The following CCDC180 variants were observed in gnomAD, a reference collection of about 807,000 sequenced individuals.
The protein encoded by CCDC180 is coiled-coil domain-containing protein 180.
Under a neutral mutation model 209.2 loss-of-function variants are expected in CCDC180, and 154 were observed. The ratio of observed to expected loss-of-function variants is 0.74; its 90% CI spans 0.65 to 0.84. The LOEUF (loss-of-function observed/expected upper bound fraction) is 0.84. Ranked by LOEUF, CCDC180 falls within the 40% of genes least tolerant of loss-of-function variation. CCDC180 has a pLI of 0.00. For missense variants in CCDC180, 1,874 were observed against 1,997.3 expected, an observed-to-expected ratio of 0.94 and a Z score of 1.18; for synonymous variants, 778 against 749.1, an observed-to-expected ratio of 1.04 and a Z score of -0.63.
chr9:97,357,372 C>T (rs185287377), intron 24 of CCDC180, among the ~76,000 whole-genome samples: 202 of 152,318 alleles, frequency 1.3e-3, no homozygotes, highest in Non-Finnish European at 1.4e-3. Flanking sequence ...ACAGCCTTGG[C>T]CCTGCTAAAG....
chr9:97,314,442 TGACTGAG>T lies in CCDC180; in HGVS notation c.510_516del (p.Thr171LeufsTer5). On this transcript the variant is annotated frameshift_variant, in exon 6 of 37. Coordinates refer to ENST00000529487, the MANE Select transcript of CCDC180 (RefSeq NM_020893.6). LOFTEE classifies it high-confidence loss of function. ...ACAGGGGGACTTTTTTTGAAGAAGC[TGACTGAG>T]TCTGATGAAGAAATGAACCGTCTCT... 6.2e-7 allele frequency: 1 copy of T among 1,614,144 alleles called. No homozygotes were observed. Among genetic ancestry groups the T allele is most frequent in the East Asian group, 2.2e-5 (1 of 44,884 alleles).
rs1426529319 is a variant in CCDC180 at position 97,325,142 on chromosome 9, C to A, written c.1495C>A (p.Leu499Met). 6.2e-7 allele frequency: 1 copy of A among 1,611,684 alleles called. No homozygotes were observed. The highest frequency in any genetic ancestry group is 2.2e-5 in the East Asian group (1 of 44,840). The change falls in exon 14 of 37, where the codon CTG becomes ATG. Residue 499 changes from leucine to methionine, a missense_variant. Transcript: ENST00000529487. ...QSELLVQELE[L>M]EKRMEQHRQK... Reference sequence around the variant, plus strand: ...CGAGCTGTTGGTGCAGGAGCTGGAGCTGGAGAAGAGGATGGAGCAGCACCG... The same window carrying A: ...CGAGCTGTTGGTGCAGGAGCTGGAGATGGAGAAGAGGATGGAGCAGCACCG...
intron 18 of CCDC180, among the ~76,000 whole-genome samples, chr9:97,334,665 A>AT (rs576943303): frequency 2.2e-3 from 331 of 152,184 alleles, no homozygotes; most frequent in Non-Finnish European, 3.6e-3. Flanking sequence ...TATATAGGCT[A>AT]TTTTTTCCCA....
At chr9:97,358,861 C>G (rs988286453) in intron 25 of CCDC180, among the ~76,000 whole-genome samples, 8 of 152,180 alleles carry the variant, frequency 5.3e-5, no homozygotes, top group Admixed American at 6.5e-5. Context: ...TTCAGTGACT[C>G]TGAGTTGCAG....
Position 97,309,624 on chromosome 9 carries a change from C to T in CCDC180, c.260+20C>T. ...CCACAGGTAGGTCCTGTTGTCCATG[C>T]CTCACCCCCATGCACTAGGGTACCT... On this transcript the variant is annotated intron_variant, in intron 3 of 36. Coordinates refer to ENST00000529487, the MANE Select transcript of CCDC180 (RefSeq NM_020893.6). 6.6e-7 allele frequency: 1 copy of T among 1,520,910 alleles called. No individual in the cohort carries two copies. The highest frequency in any genetic ancestry group is 8.8e-7 in the Non-Finnish European group (1 of 1,139,112). The allele number at this position is 1,520,910 out of a possible 1,614,324, so 94.2% of individuals were successfully genotyped here. A position where few individuals can be genotyped will look rare whatever the true frequency, so the allele number is the denominator to read the frequency against.
In CCDC180 at chr9:97,378,680, A is replaced by G. The variant is rs955604236; in HGVS notation, c.*1786A>G. On this transcript the variant is annotated 3_prime_UTR_variant, in exon 37 of 37. Coordinates refer to ENST00000529487, the MANE Select transcript of CCDC180 (RefSeq NM_020893.6). ...TGTCGGACAAGGGCGAGGATGTCCC[A>G]TGCAGGGCTCCTAGAAAGAAGGCAG... Among the ~76,000 whole-genome samples, 1 of 152,224 alleles carries G rather than the reference A, an allele frequency of 6.6e-6. No homozygotes were observed. Among genetic ancestry groups the G allele is most frequent in the African/African-American group, 2.4e-5 (1 of 41,448 alleles).
rs181289303 is a variant in CCDC180 at position 97,330,838 on chromosome 9, T to A, written c.2274+71T>A. ...ATGCTCATTTTGTGTTTATCCCTAG[T>A]GTAAGCTGGGGTCTTCAGTGGCCCA... On this transcript the variant is annotated intron_variant, in intron 18 of 36. Coordinates refer to ENST00000529487, the MANE Select transcript of CCDC180 (RefSeq NM_020893.6). 13 of 1,428,500 alleles carry A rather than the reference T, an allele frequency of 9.1e-6. No homozygotes were observed. In the East Asian group the frequency reaches 3.0e-4, roughly 33 times the overall value. The allele number at this position is 1,428,500 out of a possible 1,614,324, so 88.5% of individuals were successfully genotyped here.
chr9:97,368,438 A>G (rs1359166253), intron 31 of CCDC180, among the ~76,000 whole-genome samples: 2 of 152,200 alleles, frequency 1.3e-5, no homozygotes, highest in African/African-American at 2.4e-5. Context: ...CTGGAACCCA[A>G]CAGGGCTTCC....
chr9:97,307,855 C>G lies in CCDC180; in HGVS notation c.-82+49C>G, dbSNP rs377488090. 3.7e-6 allele frequency: 6 copies of G among 1,610,274 alleles called. No homozygotes were observed. In the East Asian group the frequency reaches 1.3e-4, roughly 36 times the overall value. ...AGTTAAAACCCTAAGTCGACGTTCC[C>G]CAGCCGCCTACCCCCCAGCAGAGAG... On this transcript the variant is annotated intron_variant, in intron 1 of 36. Transcript: ENST00000529487.
chr9:97,356,135 T>C (rs780580193), intron 24 of CCDC180, among the ~76,000 whole-genome samples: 1 of 152,102 alleles, frequency 6.6e-6, no homozygotes, highest in African/African-American at 2.4e-5. Context: ...CACATTCTGA[T>C]TCCAGAGCTG....
chr9:97,325,043 C>A lies in CCDC180; in HGVS notation c.1396C>A (p.Gln466Lys), dbSNP rs766961693. 1 of 1,613,972 alleles carries A rather than the reference C, an allele frequency of 6.2e-7. No homozygotes were observed. Among genetic ancestry groups the A allele is most frequent in the Non-Finnish European group, 8.5e-7 (1 of 1,179,946 alleles). The change falls in exon 14 of 37, where the codon CAG (glutamine) becomes AAG (lysine). Residue 466 changes from glutamine to lysine, a missense_variant. Transcript: ENST00000529487. ...LDKSFETLAD[Q>K]TEWQSSHLFK... ...GAAATCCTTCGAGACTCTGGCAGAT[C>A]AGACAGAGTGGCAGAGTTCACACCT... is the stretch of plus-strand genomic sequence containing the variant.
At chr9:97,347,670 G>T in intron 20 of CCDC180, 181 bp downstream of exon 20, 2 of 568,976 alleles carry the variant, frequency 3.5e-6, no homozygotes, top group Non-Finnish European at 5.9e-6. Context: ...GAAAAAGGTA[G>T]TACTCCAAAT....
Position 97,360,000 on chromosome 9 carries a change from C to T in CCDC180, c.3382C>T (p.Leu1128Phe). Reference protein sequence around the residue: ...GEKTTVTTEELLSFVQTWKEK... With the variant: ...GEKTTVTTEEFLSFVQTWKEK... ...TCACCAGACAGTGACCACAGAAGAA[C>T]TCCTCAGCTTCGTCCAAACTTGGAA... The change falls in exon 26 of 37, where the codon CTC (leucine) becomes TTC (phenylalanine). Residue 1128 changes from leucine to phenylalanine, a missense_variant. Leu to Phe is a conservative substitution (Grantham distance 22). Coordinates refer to ENST00000529487, the MANE Select transcript of CCDC180 (RefSeq NM_020893.6). 1 of 1,613,894 alleles carries T rather than the reference C, an allele frequency of 6.2e-7. No homozygotes were observed. The highest frequency in any genetic ancestry group is 8.5e-7 in the Non-Finnish European group (1 of 1,179,880).
At chr9:97,318,633 G>A (rs1258818736) in intron 10 of CCDC180, 51 bp downstream of exon 10, 5 of 1,598,112 alleles carry the variant, frequency 3.1e-6, no homozygotes, top group Non-Finnish European at 3.4e-6. Context: ...GGTGCAGTGA[G>A]GGAGGCAGAA....
Position 97,361,706 on chromosome 9 carries a change from C to T in CCDC180, c.3484-20C>T, listed in dbSNP as rs760925995. On this transcript the variant is annotated intron_variant, in intron 26 of 36. Coordinates refer to ENST00000529487, the MANE Select transcript of CCDC180 (RefSeq NM_020893.6). Reference sequence around the variant, plus strand: ...CTGGGCTGGTCCTTACACCCTCAGGCCCTTCTCTCTGGCCTGCAGAACACC... The same window carrying T: ...CTGGGCTGGTCCTTACACCCTCAGGTCCTTCTCTCTGGCCTGCAGAACACC... 25 of 1,612,386 alleles carry T rather than the reference C, an allele frequency of 1.6e-5. No homozygotes were observed. The South Asian group carries it at 2.3e-4, about 15-fold the overall frequency.
chr9:97,330,189 A>G lies in CCDC180; in HGVS notation c.1824A>G (p.Gln608=). 6.2e-7 allele frequency: 1 copy of G among 1,613,934 alleles called. No individual in the cohort carries two copies. Among genetic ancestry groups the G allele is most frequent in the Non-Finnish European group, 8.5e-7 (1 of 1,179,964 alleles). The change falls in exon 17 of 37, where the codon CAA becomes CAG. Residue 608 remains glutamine (Q), a synonymous_variant. Coordinates refer to ENST00000529487, the MANE Select transcript of CCDC180 (RefSeq NM_020893.6). ...LAGEVIFKFR[Q]PEAHEKPSQK... ...GAGAAGTCATTTTCAAATTCAGGCA[A>G]CCAGGTAACACTTTTTCAATTCAAG...
intron 18 of CCDC180, among the ~76,000 whole-genome samples, chr9:97,335,957 T>TGTTTCA (rs2118726801): frequency 6.6e-6 from 1 of 152,388 alleles, no homozygotes; most frequent in Admixed American, 6.5e-5. Flanking sequence ...CATGTGTCTG[T>TGTTTCA]TGGCGGCATA....
chr9:97,320,346 GC>G, intron 11 of CCDC180, 141 bp downstream of exon 11: 1 of 742,060 alleles, frequency 1.3e-6, no homozygotes, highest in African/African-American at 1.7e-5. Context: ...AGCTCTGAGG[GC>G]TCAAAAGGCC....
intron 18 of CCDC180, among the ~76,000 whole-genome samples, chr9:97,333,266 G>C (rs1034462199): frequency 2.6e-5 from 4 of 152,238 alleles, no homozygotes; most frequent in Admixed American, 2.6e-4. Flanking sequence ...GATTCAGCTT[G>C]CTAGTATTTT....
Sources: gnomAD v4.1 joint callset for allele counts (sites outside exome capture counted in the v4.1 genomes callset) on GRCh38, gnomAD v4.1.1 for gene constraint, MANE v1.5 for transcripts, NCBI Gene and HGNC (gene_info 2026-07-23, HGNC 2026-07-21) for gene names.